Variants in TMEM59 observed in about 807,000 individuals in gnomAD.
The protein encoded by TMEM59 is transmembrane protein 59.
In TMEM59, 44 loss-of-function variants were observed where a neutral mutation model predicts 42.2. The ratio of observed to expected loss-of-function variants is 1.04; its 90% CI spans 0.82 to 1.34. The LOEUF (loss-of-function observed/expected upper bound fraction) is 1.34, where lower values mean the gene tolerates loss of function less well. Ranked by LOEUF, TMEM59 falls within the 40% of genes most tolerant of loss-of-function variation. The probability of loss-of-function intolerance (pLI) is 0.00; values close to 1 mark genes in which losing one functional copy is unlikely to be tolerated. For synonymous variants in TMEM59, 148 were observed against 145.8 expected, an observed-to-expected ratio of 1.02 and a Z score of -0.11; for missense variants, 359 against 382.8, an observed-to-expected ratio of 0.94 and a Z score of 0.52.
Position 54,052,340 on chromosome 1 carries a change from C to G in TMEM59, c.189+660G>C, listed in dbSNP as rs370505762. Among the ~76,000 whole-genome samples the G allele has an allele frequency of 1.2e-4, 18 of 152,308 alleles. No individual in the cohort carries two copies. In the South Asian group the frequency reaches 3.1e-3, roughly 26 times the overall value. ...CCACAGTCTCATTTCTTCACCCACTCCACGAATTCCCCGTTTTCTGCACTG... is the reference window on the plus strand; with the variant it reads ...CCACAGTCTCATTTCTTCACCCACTGCACGAATTCCCCGTTTTCTGCACTG... On this transcript the variant is annotated intron_variant, in intron 1 of 7. Transcript: ENST00000234831.
rs1198091211 is a variant in TMEM59 at position 54,036,734 on chromosome 1, C to T, written c.708-16G>A. The T allele has an allele frequency of 6.6e-7, 1 of 1,509,038 alleles. No individual in the cohort carries two copies. The highest frequency in any genetic ancestry group is 9.0e-7 in the Non-Finnish European group (1 of 1,114,546). 93.5% of individuals were successfully genotyped at this position (1,509,038 alleles called of 1,614,324 possible). On this transcript the variant is annotated splice_polypyrimidine_tract_variant and intron_variant, in intron 6 of 7. Coordinates refer to ENST00000234831, the MANE Select transcript of TMEM59 (RefSeq NM_004872.5). ...CCCAGAGTTACTGGAAAAAAAAAAT[C>T]AACAATTAGTTATATTAAAATTTTA...
At position 54,031,570 on chromosome 1, in the gene TMEM59, T is replaced by G. The variant is rs1448815191; in HGVS notation, c.*580A>C. 6.6e-6 allele frequency: 1 copy of G among 152,650 alleles called. No homozygotes were observed. Among genetic ancestry groups the G allele is most frequent in the African/African-American group, 2.4e-5 (1 of 41,444 alleles). The allele number at this position is 152,650 out of a possible 1,614,324, so 9.5% of individuals were successfully genotyped here. A position where few individuals can be genotyped will look rare whatever the true frequency, so the allele number is the denominator to read the frequency against. ...AAAATGGTCCCTGACCATCACATTA[T>G]AAAGCAATAGCAATAAACACAGAAC... On this transcript the variant is annotated 3_prime_UTR_variant, in exon 8 of 8. Transcript: ENST00000234831.
rs1040425290 is a variant in TMEM59 at position 54,030,341 on chromosome 1, G to A, written c.*1809C>T. The A allele has an allele frequency of 6.6e-6, 1 of 152,066 alleles. No homozygotes were observed. Among genetic ancestry groups the A allele is most frequent in the Admixed American group, 6.6e-5 (1 of 15,260 alleles). The allele number at this position is 152,066 out of a possible 1,614,324, so 9.4% of individuals were successfully genotyped here. Reference sequence around the variant, plus strand: ...CATTGGATGCATTACAATTAAACCTGTGCCTGACTAAGGAAACTAAGTATG... The same window carrying A: ...CATTGGATGCATTACAATTAAACCTATGCCTGACTAAGGAAACTAAGTATG... On this transcript the variant is annotated 3_prime_UTR_variant, in exon 8 of 8. Transcript: ENST00000234831.
In TMEM59 at chr1:54,041,751, T is replaced by C. The variant is rs2100316062; in HGVS notation, c.598A>G (p.Arg200Gly). The C allele has an allele frequency of 4.3e-6, 7 of 1,613,814 alleles. No homozygotes were observed. The highest frequency in any genetic ancestry group is 5.1e-6 in the Non-Finnish European group (6 of 1,179,832). ...GACATTTTGCTTAGAGATGATTCTC[T>C]CAAATTTGTAGGCTCCTGCTCCAAA... ...PHLEQEPTNL[R>G]ESSLSKMSYL... The change falls in exon 5 of 8, where the codon AGA (arginine) becomes GGA (glycine). Residue 200 changes from arginine to glycine, a missense_variant. Coordinates refer to ENST00000234831, the MANE Select transcript of TMEM59 (RefSeq NM_004872.5).
intron 7 of TMEM59, among the ~76,000 whole-genome samples, chr1:54,032,940 TA>T (rs969415069): frequency 1.4e-4 from 21 of 150,540 alleles, no homozygotes; most frequent in Admixed American, 1.3e-4. Context: ...TTTTTTTTTT[TA>T]AAGAGACGGG....
At position 54,027,694 on chromosome 1, in the gene TMEM59, G is replaced by C. The variant is rs1285548965; in HGVS notation, c.*4456C>G. On this transcript the variant is annotated 3_prime_UTR_variant, in exon 8 of 8. Transcript: ENST00000234831. ...TGAGGCACGAGAATCGCTTGAACCT[G>C]GGAGCTGTGGAGGTTGCAGTGAGTC... 6.6e-6 allele frequency: 1 copy of C among 152,050 alleles called. No homozygotes were observed. The highest frequency in any genetic ancestry group is 2.4e-5 in the African/African-American group (1 of 41,352). The allele number at this position is 152,050 out of a possible 1,614,324, so 9.4% of individuals were successfully genotyped here.
intron 2 of TMEM59, among the ~76,000 whole-genome samples, chr1:54,046,967 A>C (rs988722292): frequency 1.3e-5 from 2 of 152,220 alleles, no homozygotes; most frequent in African/African-American, 4.8e-5. Context: ...TATCTGTGAA[A>C]AGGTAGTAAT....
intron 2 of TMEM59, among the ~76,000 whole-genome samples, chr1:54,046,516 G>A (rs942030758): frequency 4.6e-5 from 7 of 152,102 alleles, no homozygotes; most frequent in Admixed American, 2.0e-4. Flanking sequence ...TAATGCATTT[G>A]TAATACACTT....
At chr1:54,046,888 G>A (rs1328836471) in intron 2 of TMEM59, among the ~76,000 whole-genome samples, 1 of 152,164 alleles carries the variant, frequency 6.6e-6, no homozygotes, top group East Asian at 1.9e-4. Context: ...TGAGTCAAAG[G>A]CCTGATTCAG....
At position 54,029,594 on chromosome 1, in the gene TMEM59, A is replaced by G. The variant is rs1268136805; in HGVS notation, c.*2556T>C. 1.3e-5 allele frequency: 2 copies of G among 152,186 alleles called. No homozygotes were observed. Among genetic ancestry groups the G allele is most frequent in the African/African-American group, 4.8e-5 (2 of 41,448 alleles). 9.4% of individuals were successfully genotyped at this position (152,186 alleles called of 1,614,324 possible). ...TTTAGGAGAAGGGGCTTGGAAGCTC[A>G]GTTTTGTTGCTTTGGTTGGGATTTT... On this transcript the variant is annotated 3_prime_UTR_variant, in exon 8 of 8. Transcript: ENST00000234831.
chr1:54,048,403 C>CTATA (rs1366499817), intron 1 of TMEM59, among the ~76,000 whole-genome samples: 1 of 152,128 alleles, frequency 6.6e-6, no homozygotes, highest in Non-Finnish European at 1.5e-5. Context: ...AAGCTATTTC[C>CTATA]AGTATAGTGC....
chr1:54,040,696 T>C, intron 6 of TMEM59, 60 bp downstream of exon 6: 2 of 1,261,356 alleles, frequency 1.6e-6, no homozygotes, highest in Non-Finnish European at 2.3e-6. Context: ...AAAAGTAATA[T>C]ATCTCTCTGA....
intron 6 of TMEM59, among the ~76,000 whole-genome samples, chr1:54,038,238 A>T (rs757387710): frequency 1.2e-4 from 18 of 152,194 alleles, no homozygotes; most frequent in Non-Finnish European, 5.9e-5. Flanking sequence ...ATTGAGCAGG[A>T]GGCCAGTATA....
intron 7 of TMEM59, chr1:54,033,155 C>G (rs1245603284): frequency 7.0e-6 from 1 of 143,530 alleles, no homozygotes; most frequent in Non-Finnish European, 1.5e-5. Flanking sequence ...ATGATGGGGT[C>G]TTGCTATGTT....
intron 2 of TMEM59, among the ~76,000 whole-genome samples, chr1:54,046,260 A>G (rs1657332256): frequency 6.6e-6 from 1 of 152,258 alleles, no homozygotes; most frequent in African/African-American, 2.4e-5. Flanking sequence ...AATATAAGGT[A>G]TTATTGTTAA....
chr1:54,047,906 T>A (rs2100331111), intron 1 of TMEM59: 1 of 155,260 alleles, frequency 6.4e-6, no homozygotes, highest in Admixed American at 6.5e-5. Context: ...AGTTTGAGGG[T>A]ACAGTGAGCT....
intron 5 of TMEM59, 134 bp downstream of exon 5, chr1:54,041,590 T>A (rs2100315579): frequency 1.5e-6 from 1 of 668,362 alleles, no homozygotes; most frequent in South Asian, 2.1e-5. Flanking sequence ...GTAATACACA[T>A]GAAAGTTTGA....
At chr1:54,037,323 A>G (rs1656986336) in intron 6 of TMEM59, among the ~76,000 whole-genome samples, 1 of 152,224 alleles carries the variant, frequency 6.6e-6, no homozygotes, top group Non-Finnish European at 1.5e-5. Flanking sequence ...TTTCCTTATA[A>G]TTAAAATATC....
intron 1 of TMEM59, chr1:54,048,750 C>A (rs1657429495): frequency 8.2e-6 from 3 of 364,310 alleles, no homozygotes; most frequent in South Asian, 6.7e-5. Context: ...GTATTTCTTT[C>A]CAGCAAAAGG....
Sources: allele counts gnomAD v4.1 joint callset (sites outside exome capture counted in the v4.1 genomes callset), GRCh38; gene constraint gnomAD v4.1.1; transcripts MANE v1.5; gene names NCBI Gene and HGNC (gene_info 2026-07-23, HGNC 2026-07-21).